Variants in PDE8A observed in about 807,000 individuals in gnomAD.
PDE8A encodes high affinity cAMP-specific and IBMX-insensitive 3',5'-cyclic phosphodiesterase 8A.
Under a neutral mutation model 105.0 loss-of-function variants are expected in PDE8A, and 59 were observed. The observed-to-expected ratio is 0.56, with a 90% CI of 0.46 to 0.70. PDE8A has a LOEUF of 0.70. Among genes scored for constraint, PDE8A ranks in the 30% least tolerant of loss-of-function variants. PDE8A has a pLI of 0.00. For missense variants in PDE8A, 1,014 were observed against 1,045.9 expected (o/e 0.97, Z 0.42); for synonymous variants, 355 against 371.9 (o/e 0.95, Z 0.52).
Position 85,113,279 on chromosome 15 carries a change from G to A in PDE8A, c.1115-98G>A, listed in dbSNP as rs2304421. Reference sequence around the variant, plus strand: ...AGCTCAGCAAACTCAGTTCTATCCTGCCCCTTCATCATGCAGCCGAGCACA... The same window carrying A: ...AGCTCAGCAAACTCAGTTCTATCCTACCCCTTCATCATGCAGCCGAGCACA... On this transcript the variant is annotated intron_variant, in intron 12 of 21. Coordinates refer to ENST00000394553, the MANE Select transcript of PDE8A (RefSeq NM_002605.3). The A allele has an allele frequency of 4.9e-3, 4,685 of 965,416 alleles. 122 individuals are homozygous for A. In the East Asian group the frequency reaches 0.055, roughly 11 times the overall value. 59.8% of individuals were successfully genotyped at this position (965,416 alleles called of 1,614,324 possible). A position where few individuals can be genotyped will look rare whatever the true frequency, so the allele number is the denominator to read the frequency against.
intron 1 of PDE8A, among the ~76,000 whole-genome samples, chr15:84,983,049 T>C (rs1426510168): frequency 6.6e-6 from 1 of 152,214 alleles, no homozygotes; most frequent in Non-Finnish European, 1.5e-5. Context: ...GGGTTTTTTG[T>C]TTTTTTACAT....
chr15:85,007,703 G>T (rs971948688), intron 1 of PDE8A, among the ~76,000 whole-genome samples: 1 of 152,084 alleles, frequency 6.6e-6, no homozygotes, highest in African/African-American at 2.4e-5. Flanking sequence ...CATCACAGGA[G>T]TGCTGGGAGG....
At chr15:84,995,238 A>G (rs987885737) in intron 1 of PDE8A, among the ~76,000 whole-genome samples, 1 of 151,240 alleles carries the variant, frequency 6.6e-6, no homozygotes, top group African/African-American at 2.4e-5. Context: ...TCTTGCAACC[A>G]CCCTTCTGAT....
At chr15:85,115,070 G>T (rs912541528) in intron 14 of PDE8A, among the ~76,000 whole-genome samples, 40 of 152,122 alleles carry the variant, frequency 2.6e-4, no homozygotes, top group African/African-American at 8.9e-4. Context: ...GGAGGAGAAG[G>T]ACTGAGGGCA....
At chr15:85,014,815 A>G (rs535204567) in intron 1 of PDE8A, among the ~76,000 whole-genome samples, 3 of 152,264 alleles carry the variant, frequency 2.0e-5, no homozygotes, top group Admixed American at 1.3e-4. Context: ...AAAGTAGACA[A>G]TTCATTGGTT....
At chr15:84,985,462 AT>A (rs1056722056) in intron 1 of PDE8A, among the ~76,000 whole-genome samples, 29 of 152,232 alleles carry the variant, frequency 1.9e-4, no homozygotes, top group African/African-American at 7.0e-4. Context: ...ACATTTTAAT[AT>A]TTTCTTGCCA....
At chr15:85,086,978 G>T (rs1056085996) in intron 6 of PDE8A, among the ~76,000 whole-genome samples, 1 of 150,430 alleles carries the variant, frequency 6.6e-6, no homozygotes, top group South Asian at 2.1e-4. Flanking sequence ...TGGTCAGGCC[G>T]GTCTCAAACT....
chr15:85,110,642 G>C (rs928413424), intron 12 of PDE8A, among the ~76,000 whole-genome samples: 14 of 152,180 alleles, frequency 9.2e-5, no homozygotes, highest in African/African-American at 3.4e-4. Context: ...TTATTGCTCA[G>C]TAGTATTCCG....
At chr15:85,049,548 A>G (rs1424574510) in intron 1 of PDE8A, among the ~76,000 whole-genome samples, 7 of 152,220 alleles carry the variant, frequency 4.6e-5, no homozygotes, top group Non-Finnish European at 7.4e-5. Flanking sequence ...GCTGAATAAT[A>G]TTCCATTTTA....
chr15:85,012,647 A>G (rs2080259478), intron 1 of PDE8A, among the ~76,000 whole-genome samples: 1 of 151,892 alleles, frequency 6.6e-6, no homozygotes, highest in Non-Finnish European at 1.5e-5. Flanking sequence ...ATGTATACAT[A>G]TGTAACTAAC....
chr15:85,064,464 T>G (rs1205784273), intron 2 of PDE8A, 38 bp downstream of exon 2: 1 of 1,426,922 alleles, frequency 7.0e-7, no homozygotes, highest in Non-Finnish European at 9.8e-7. Flanking sequence ...ACATGCTGAT[T>G]TTCTTTAAAA....
At chr15:85,052,392 T>G (rs1283979018) in intron 1 of PDE8A, among the ~76,000 whole-genome samples, 1 of 152,220 alleles carries the variant, frequency 6.6e-6, no homozygotes, top group African/African-American at 2.4e-5. Context: ...CTTGAGGAAT[T>G]GGCACACTGT....
At chr15:85,033,780 G>A (rs1469153448) in intron 1 of PDE8A, among the ~76,000 whole-genome samples, 2 of 152,122 alleles carry the variant, frequency 1.3e-5, no homozygotes, top group Non-Finnish European at 2.9e-5. Flanking sequence ...CAGGAGAATC[G>A]CTTGAACCTG....
At chr15:85,090,160 G>A (rs1321389113) in intron 7 of PDE8A, among the ~76,000 whole-genome samples, 8 of 152,200 alleles carry the variant, frequency 5.3e-5, no homozygotes, top group Admixed American at 2.6e-4. Context: ...TGAGGGCACA[G>A]GCTTTGGTGT....
chr15:85,004,600 A>G (rs1427663882), intron 1 of PDE8A, among the ~76,000 whole-genome samples: 3 of 152,236 alleles, frequency 2.0e-5, no homozygotes, highest in Admixed American at 6.5e-5. Flanking sequence ...CTAATACTTT[A>G]AGATTAATTT....
chr15:85,079,542 AACT>A (rs1457547346), intron 5 of PDE8A, among the ~76,000 whole-genome samples: 1 of 152,246 alleles, frequency 6.6e-6, no homozygotes, highest in African/African-American at 2.4e-5. Flanking sequence ...AGTTTACAGC[AACT>A]TGATCAAATT....
chr15:85,120,772 T>G, intron 17 of PDE8A, 25 bp from the exon 18 acceptor site: 1 of 1,527,978 alleles, frequency 6.5e-7, no homozygotes, highest in Non-Finnish European at 8.9e-7. Flanking sequence ...CATACCCCAG[T>G]TTTTAAAAGC....
intron 1 of PDE8A, among the ~76,000 whole-genome samples, chr15:85,012,953 A>G (rs1013629949): frequency 1.3e-5 from 2 of 152,182 alleles, no homozygotes; most frequent in African/African-American, 4.8e-5. Flanking sequence ...ATTTTGGAGA[A>G]CCTGATCCAC....
At position 84,982,187 on chromosome 15, in the gene PDE8A, A is replaced by G. The variant is rs2079722930; in HGVS notation, c.25A>G (p.Ile9Val). 3 of 1,483,294 alleles carry G rather than the reference A, an allele frequency of 2.0e-6. No homozygotes were observed. The highest frequency in any genetic ancestry group is 1.8e-6 in the Non-Finnish European group (2 of 1,126,768). The allele number at this position is 1,483,294 out of a possible 1,614,324, so 91.9% of individuals were successfully genotyped here. A position where few individuals can be genotyped will look rare whatever the true frequency, so the allele number is the denominator to read the frequency against. The change falls in exon 1 of 22, where the codon ATT becomes GTT. Residue 9 changes from isoleucine (I) to valine (V), a missense_variant. Transcript: ENST00000394553. ...CATGGGCTGTGCCCCGAGCATCCAC[A>G]TTTCCGAGCGCCTGGTGGCCGAGGA... MGCAPSIH[I>V]SERLVAEDAP... is the part of the protein sequence containing the mutation.
Sources: allele counts gnomAD v4.1 joint callset (sites outside exome capture counted in the v4.1 genomes callset), GRCh38; gene constraint gnomAD v4.1.1; transcripts MANE v1.5; gene names NCBI Gene and HGNC (gene_info 2026-07-23, HGNC 2026-07-21).